Variants in TENM4 observed in about 807,000 individuals in gnomAD.
TENM4 encodes the protein teneurin-4.
In TENM4, 82 loss-of-function variants were observed where a neutral mutation model predicts 243.3. The observed-to-expected ratio is 0.34, with a 90% CI of 0.28 to 0.40. The LOEUF (loss-of-function observed/expected upper bound fraction) is 0.40, where lower values mean the gene tolerates loss of function less well. Among genes scored for constraint, TENM4 ranks in the 10% least tolerant of loss-of-function variants. The probability of loss-of-function intolerance (pLI) is 1.00; values close to 1 mark genes in which losing one functional copy is unlikely to be tolerated. For missense variants in TENM4, 3,138 were observed against 3,673.3 expected (o/e 0.85, Z 3.77); for synonymous variants, 1,412 against 1,456.3 (o/e 0.97, Z 0.69).
chr11:78,748,672 T>G (rs769298178), intron 19 of TENM4, among the ~76,000 whole-genome samples: 1 of 152,198 alleles, frequency 6.6e-6, no homozygotes, highest in Non-Finnish European at 1.5e-5. Flanking sequence ...CCAGATTACT[T>G]AAATTCTCAG....
rs1267659269 is a variant in TENM4 at position 79,064,965 on chromosome 11, G to A, written c.266C>T (p.Thr89Met). The A allele has an allele frequency of 1.0e-5, 15 of 1,472,854 alleles. No individual in the cohort carries two copies. Among genetic ancestry groups the A allele is most frequent in the Middle Eastern group, 1.8e-4 (1 of 5,622 alleles). 91.2% of individuals were successfully genotyped at this position (1,472,854 alleles called of 1,614,324 possible). Reference sequence around the variant, plus strand: ...CCGGTACAGGGTCCCGTGAGGGGGCGTTACTTCTTCCAGCCCCAGCTCCCG... The same window carrying A: ...CCGGTACAGGGTCCCGTGAGGGGGCATTACTTCTTCCAGCCCCAGCTCCCG... ...TLRELGLEEV[T>M]PPHGTLYRTD... Residue 89 changes from threonine to methionine, a missense_variant, in exon 6 of 34, where the codon ACG (threonine) becomes ATG (methionine). Transcript: ENST00000278550.
In TENM4 at chr11:79,139,121, T is replaced by G. The variant is rs185254208; in HGVS notation, c.-66+9589A>C. On this transcript the variant is annotated intron_variant, in intron 4 of 33. Transcript: ENST00000278550. Reference sequence around the variant, plus strand: ...ATATAAAATATATATTATATTTCTATAAATATATATTATATTTCTATAAAT... The same window carrying G: ...ATATAAAATATATATTATATTTCTAGAAATATATATTATATTTCTATAAAT... Among the ~76,000 whole-genome samples, 283 of 52,762 alleles carry G rather than the reference T, an allele frequency of 5.4e-3. 1 individual carries two copies. Among genetic ancestry groups the G allele is most frequent in the African/African-American group, 0.032 (250 of 7,922 alleles). 34.6% of individuals were successfully genotyped at this position (52,762 alleles called of 152,430 possible). A position where few individuals can be genotyped will look rare whatever the true frequency, so the allele number is the denominator to read the frequency against.
chr11:79,205,003 C>T (rs955427353), intron 3 of TENM4, among the ~76,000 whole-genome samples: 62 of 152,136 alleles, frequency 4.1e-4, no homozygotes, highest in African/African-American at 1.4e-3. Flanking sequence ...AGTAAAAGTA[C>T]AGAATTGTGT....
At chr11:78,886,515 C>T (rs559815843) in intron 9 of TENM4, among the ~76,000 whole-genome samples, 5 of 152,308 alleles carry the variant, frequency 3.3e-5, no homozygotes, top group East Asian at 1.9e-4. Flanking sequence ...CGTTCACCTG[C>T]GTTGGCTTAT....
In TENM4 at chr11:78,658,213, C is replaced by A; in HGVS notation, c.8155G>T (p.Ala2719Ser). Residue 2719 changes from alanine (A) to serine (S), a missense_variant, in exon 34 of 34, where the codon GCC becomes TCC. Around this residue, in one of 2 missense-constraint regions of TENM4, gnomAD observed 2,467 missense variants for 3,059.1 expected, o/e 0.81. Transcript: ENST00000278550. ...TGCTGCTTCTCCCCCTCTGTCCAGG[C>A]CCGCAGGCCTTCCTCCCCTTCCCGC... is the stretch of plus-strand genomic sequence containing the variant. ...RLREGEEGLRAWTEGEKQQVL... is the reference protein window; with the variant it reads ...RLREGEEGLRSWTEGEKQQVL... The A allele has an allele frequency of 6.2e-7, 1 of 1,614,050 alleles. No individual in the cohort carries two copies.
chr11:78,903,595 G>C, intron 6 of TENM4, 72 bp from the exon 7 acceptor site: 1 of 1,534,542 alleles, frequency 6.5e-7, no homozygotes, highest in Admixed American at 2.0e-5. Context: ...CAGCCACGGA[G>C]GTCTGAGCAA....
chr11:78,901,901 C>G (rs941179486), intron 7 of TENM4, among the ~76,000 whole-genome samples: 10 of 152,220 alleles, frequency 6.6e-5, no homozygotes, highest in African/African-American at 2.2e-4. Flanking sequence ...AAAAACAATT[C>G]TACAGGAGTA....
intron 6 of TENM4, among the ~76,000 whole-genome samples, chr11:79,037,010 C>A: frequency 1.0e-5 from 1 of 98,498 alleles, no homozygotes. Context: ...AACAAGACTC[C>A]ATCTCAAAAA....
At chr11:79,214,346 C>A (rs1864009798) in intron 3 of TENM4, among the ~76,000 whole-genome samples, 2 of 152,138 alleles carry the variant, frequency 1.3e-5, no homozygotes. Flanking sequence ...GTCTCTACTG[C>A]ACAGCATTGA....
chr11:78,698,296 G>C (rs1440307082), intron 28 of TENM4, among the ~76,000 whole-genome samples: 1 of 152,092 alleles, frequency 6.6e-6, no homozygotes, highest in East Asian at 1.9e-4. Context: ...CAGCTATTCA[G>C]GAGGCTGAGG....
At chr11:78,840,206 C>G (rs946341439) in intron 12 of TENM4, among the ~76,000 whole-genome samples, 2 of 152,156 alleles carry the variant, frequency 1.3e-5, no homozygotes, top group Non-Finnish European at 2.9e-5. Flanking sequence ...AAAACTCAAA[C>G]TCTATTTGTG....
chr11:79,073,926 C>T (rs1317948194), intron 4 of TENM4, among the ~76,000 whole-genome samples: 5 of 151,616 alleles, frequency 3.3e-5, no homozygotes, highest in African/African-American at 9.7e-5. Context: ...GGGGCATCCC[C>T]TCAGAAGCAT....
intron 1 of TENM4, among the ~76,000 whole-genome samples, chr11:79,426,312 A>T (rs757267084): frequency 7.9e-5 from 12 of 152,164 alleles, no homozygotes; most frequent in Non-Finnish European, 1.8e-4. Context: ...CACCTCCTGG[A>T]GAGGAACATT....
chr11:78,660,356 T>C (rs1423736153), intron 33 of TENM4, among the ~76,000 whole-genome samples: 5 of 152,176 alleles, frequency 3.3e-5, no homozygotes, highest in African/African-American at 7.2e-5. Flanking sequence ...AAATGCTTCA[T>C]GCACCTACTG....
chr11:78,848,946 T>G (rs1565405177), intron 12 of TENM4, among the ~76,000 whole-genome samples: 1 of 152,314 alleles, frequency 6.6e-6, no homozygotes, highest in East Asian at 1.9e-4. Flanking sequence ...ACAAAATGAC[T>G]CTTCTCTTCA....
At chr11:78,896,992 G>C (rs1486490904) in intron 7 of TENM4, among the ~76,000 whole-genome samples, 1 of 152,172 alleles carries the variant, frequency 6.6e-6, no homozygotes, top group African/African-American at 2.4e-5. Context: ...TGGGAACTCA[G>C]GTTTCAGGAG....
Position 79,009,640 on chromosome 11 carries a change from G to A in TENM4, c.493+55098C>T, listed in dbSNP as rs550099319. 2.6e-4 allele frequency among the ~76,000 whole-genome samples: 39 copies of A among 152,232 alleles called. No individual in the cohort carries two copies. The South Asian group carries it at 4.4e-3, about 17-fold the overall frequency. ...ATAGGATCACTTAGTGTTGTTGAGA[G>A]GATCCTAGCAATCATTTGCTGAACA... On this transcript the variant is annotated intron_variant, in intron 6 of 33. Coordinates refer to ENST00000278550, the MANE Select transcript of TENM4 (RefSeq NM_001098816.3).
chr11:78,866,038 T>A (rs1858966547), intron 9 of TENM4, among the ~76,000 whole-genome samples: 1 of 151,458 alleles, frequency 6.6e-6, no homozygotes. Flanking sequence ...ATTGAGCACC[T>A]TTTTTGGTAC....
In TENM4 at chr11:78,860,129, C is replaced by A. The variant is rs577648620; in HGVS notation, c.1255+2833G>T. 2.0e-5 allele frequency among the ~76,000 whole-genome samples: 3 copies of A among 152,260 alleles called. No homozygotes were observed. In the East Asian group the frequency reaches 5.8e-4, roughly 29 times the overall value. ...AGAAATATATATTCTTTAACATATT[C>A]AAAAATACCTCAAACCTTTGCAGAA... On this transcript the variant is annotated intron_variant, in intron 10 of 33. Coordinates refer to ENST00000278550, the MANE Select transcript of TENM4 (RefSeq NM_001098816.3).
Sources: allele counts gnomAD v4.1 joint callset (sites outside exome capture counted in the v4.1 genomes callset), GRCh38; gene constraint gnomAD v4.1.1; regional missense constraint gnomAD v4.1.1; transcripts MANE v1.5; gene names NCBI Gene and HGNC (gene_info 2026-07-23, HGNC 2026-07-21).